The following GOLIM4 variants were observed in gnomAD, a reference collection of about 807,000 sequenced individuals.
The protein encoded by GOLIM4 is golgi integral membrane protein 4, also known as 130 kDa golgi-localized phosphoprotein.
In GOLIM4, 71 loss-of-function variants were observed where a neutral mutation model predicts 107.4. The observed-to-expected ratio is 0.66, with a 90% CI of 0.55 to 0.81. The LOEUF (loss-of-function observed/expected upper bound fraction) is 0.81, where lower values mean the gene tolerates loss of function less well. Among genes scored for constraint, GOLIM4 ranks in the 30% least tolerant of loss-of-function variants. The pLI is 0.00. For missense variants in GOLIM4, 830 were observed against 826.1 expected (o/e 1.00, Z -0.06); for synonymous variants, 327 against 294.8 (o/e 1.11, Z -1.12).
At chr3:168,025,189 T>C (rs902246353) in intron 12 of GOLIM4, 94 bp from the exon 13 acceptor site, 33 of 960,544 alleles carry the variant, frequency 3.4e-5, no homozygotes, top group African/African-American at 9.8e-5. Flanking sequence ...GAAAATGAAA[T>C]TGTCCTTCCC....
intron 1 of GOLIM4, among the ~76,000 whole-genome samples, chr3:168,052,331 T>C (rs1377069169): frequency 6.6e-6 from 1 of 152,000 alleles, no homozygotes; most frequent in Non-Finnish European, 1.5e-5. Context: ...AGTAATCATA[T>C]GTATGTGTAT....
At chr3:168,066,863 T>A (rs1720574302) in intron 1 of GOLIM4, among the ~76,000 whole-genome samples, 1 of 152,146 alleles carries the variant, frequency 6.6e-6, no homozygotes, top group South Asian at 2.1e-4. Flanking sequence ...GGTGATTTAG[T>A]ATGGTCTTCT....
rs139561341 is a variant in GOLIM4 at position 168,060,957 on chromosome 3, T to C, written c.188-12592A>G. 1.1e-4 allele frequency among the ~76,000 whole-genome samples: 17 copies of C among 152,260 alleles called. No individual in the cohort carries two copies. In the East Asian group the frequency reaches 1.7e-3, roughly 16 times the overall value. On this transcript the variant is annotated intron_variant, in intron 1 of 15. Transcript: ENST00000470487. ...AAATTAACTTTGTATGTGTAGAAGA[T>C]AGAGCATCTGAGAAAGAGTAGAGGT...
chr3:168,095,238 C>T lies in GOLIM4; in HGVS notation c.48G>A (p.Thr16=), dbSNP rs1352435903. The change falls in exon 1 of 16, where the codon ACG becomes ACA. Residue 16 remains threonine (T), a synonymous_variant. Coordinates refer to ENST00000470487, the MANE Select transcript of GOLIM4 (RefSeq NM_014498.5). ...CSRKQKRIFQ[T]LLLLTVVFGF... ...CGAACACGACGGTCAGCAGCAGCAG[C>T]GTCTGGAAAATCCGCTTCTGCTTTC... The T allele has an allele frequency of 6.2e-7, 1 of 1,613,626 alleles. No individual in the cohort carries two copies. The highest frequency in any genetic ancestry group is 8.5e-7 in the Non-Finnish European group (1 of 1,180,006).
intron 1 of GOLIM4, among the ~76,000 whole-genome samples, chr3:168,092,739 G>A (rs1721975932): frequency 6.6e-6 from 1 of 151,976 alleles, no homozygotes; most frequent in African/African-American, 2.4e-5. Flanking sequence ...CATTTGTCTT[G>A]GAAAAGGGAA....
chr3:168,034,802 C>T (rs1023934149), intron 8 of GOLIM4, among the ~76,000 whole-genome samples: 5 of 152,252 alleles, frequency 3.3e-5, no homozygotes, highest in African/African-American at 1.2e-4. Context: ...AAGATCTGAT[C>T]GTTTTAAAAA....
intron 1 of GOLIM4, among the ~76,000 whole-genome samples, chr3:168,053,385 T>C (rs1719763759): frequency 6.6e-6 from 1 of 152,202 alleles, no homozygotes; most frequent in Admixed American, 6.5e-5. Flanking sequence ...GACTATAACA[T>C]AATGTTTTAT....
At position 168,010,734 on chromosome 3, in the gene GOLIM4, C is replaced by G. The variant is rs370159118; in HGVS notation, c.1941+9G>C. 3 of 1,581,016 alleles carry G rather than the reference C, an allele frequency of 1.9e-6. No homozygotes were observed. The highest frequency in any genetic ancestry group is 2.2e-5 in the South Asian group (2 of 90,484). ...AAGTGCTCAATAGAAATATGTATCC[C>G]GGTCATACATTTTCATCATTTTCAC... On this transcript the variant is annotated intron_variant, in intron 15 of 15. Transcript: ENST00000470487.
At chr3:168,055,407 G>T (rs1251763266) in intron 1 of GOLIM4, among the ~76,000 whole-genome samples, 1 of 152,188 alleles carries the variant, frequency 6.6e-6, no homozygotes, top group African/African-American at 2.4e-5. Flanking sequence ...GAGACTGACG[G>T]CATTTTGCTT....
rs140673913 is a variant in GOLIM4, at chr3:168,041,397, C to G, written c.595G>C (p.Val199Leu). 515 of 1,569,050 alleles carry G rather than the reference C, an allele frequency of 3.3e-4. No individual in the cohort carries two copies. Among genetic ancestry groups the G allele is most frequent in the Non-Finnish European group, 3.9e-4 (448 of 1,140,232 alleles). The stretch of plus-strand genomic sequence containing the variant: ...AACGTTTGGTTTTCTTTTACCTTGA[C>G]ATCTTGAAGCTGTGTATGTATGTCT... ...HQDIHTQLQD[V>L]KQQHKNLLSE... The change falls in exon 6 of 16, where the codon GTC becomes CTC. Residue 199 changes from valine (V) to leucine (L), a missense_variant. By Grantham distance (32) the Val-to-Leu change is conservative. Transcript: ENST00000470487.
chr3:168,027,861 T>C (rs1352592839), intron 11 of GOLIM4, 24 bp from the exon 12 acceptor site: 2 of 1,447,582 alleles, frequency 1.4e-6, no homozygotes, highest in Non-Finnish European at 1.9e-6. Context: ...GGAACTAAAA[T>C]CAGCCCAAAA....
At chr3:168,032,134 G>A (rs1236976472) in intron 9 of GOLIM4, among the ~76,000 whole-genome samples, 4 of 152,102 alleles carry the variant, frequency 2.6e-5, no homozygotes, top group Admixed American at 6.5e-5. Flanking sequence ...AGAGGAGGAC[G>A]CCTGATCATA....
Position 168,010,162 on chromosome 3 carries a change from G to C in GOLIM4, c.*107C>G, listed in dbSNP as rs1195462928. 1 of 1,016,988 alleles carries C rather than the reference G, an allele frequency of 9.8e-7. No homozygotes were observed. The highest frequency in any genetic ancestry group is 1.4e-6 in the Non-Finnish European group (1 of 706,190). The allele number at this position is 1,016,988 out of a possible 1,614,324, so 63.0% of individuals were successfully genotyped here. A position where few individuals can be genotyped will look rare whatever the true frequency, so the allele number is the denominator to read the frequency against. On this transcript the variant is annotated 3_prime_UTR_variant, in exon 16 of 16. Coordinates refer to ENST00000470487, the MANE Select transcript of GOLIM4 (RefSeq NM_014498.5). Reference sequence around the variant, plus strand: ...ATACAAAAGTTTTAAAAAAGTCTAAGTTCTTAATTTTTGTAATTAAATATC... The same window carrying C: ...ATACAAAAGTTTTAAAAAAGTCTAACTTCTTAATTTTTGTAATTAAATATC...
chr3:168,067,555 CAAA>C (rs769475018), intron 1 of GOLIM4, among the ~76,000 whole-genome samples: 1 of 144,980 alleles, frequency 6.9e-6, no homozygotes, highest in Non-Finnish European at 1.5e-5. Context: ...TATCTTTTTA[CAAA>C]AAAAAATACA....
At chr3:168,030,111 A>AGTTTGT in intron 9 of GOLIM4, 75 bp from the exon 10 acceptor site, 2 of 1,449,522 alleles carry the variant, frequency 1.4e-6, no homozygotes, top group Non-Finnish European at 1.9e-6. Flanking sequence ...GTTTCTCCTG[A>AGTTTGT]CAAACTCAGG....
At chr3:168,067,308 C>G (rs1207917954) in intron 1 of GOLIM4, among the ~76,000 whole-genome samples, 1 of 151,982 alleles carries the variant, frequency 6.6e-6, no homozygotes, top group Non-Finnish European at 1.5e-5. Flanking sequence ...TAGCCCTTGA[C>G]TCAAAGCAAC....
intron 9 of GOLIM4, among the ~76,000 whole-genome samples, chr3:168,032,288 G>C (rs1203705126): frequency 6.6e-6 from 1 of 152,140 alleles, no homozygotes; most frequent in Non-Finnish European, 1.5e-5. Context: ...CTGACAAAAA[G>C]AAGAATGCAC....
chr3:168,038,720 A>C (rs910824139), intron 7 of GOLIM4, among the ~76,000 whole-genome samples: 1 of 151,340 alleles, frequency 6.6e-6, no homozygotes, highest in South Asian at 2.1e-4. Flanking sequence ...CAGGTGCCTG[A>C]AACAGCATTT....
intron 14 of GOLIM4, among the ~76,000 whole-genome samples, chr3:168,013,426 CACGCATTAATAATGGGAG>C (rs1308753518): frequency 2.6e-5 from 4 of 151,652 alleles, no homozygotes; most frequent in Non-Finnish European, 4.4e-5. Flanking sequence ...CTTAGACTCC[CACGCATTAATAATGGGAG>C]ACTTTAACAC....
Sources: gnomAD v4.1 joint callset for allele counts (sites outside exome capture counted in the v4.1 genomes callset) on GRCh38, gnomAD v4.1.1 for gene constraint, MANE v1.5 for transcripts, NCBI Gene and HGNC (gene_info 2026-07-23, HGNC 2026-07-21) for gene names.